The following DEDD variants were observed in gnomAD, a reference collection of about 807,000 sequenced individuals.
DEDD encodes the protein death effector domain-containing protein.
DEDD carries 3 observed loss-of-function variants against 29.2 expected under a neutral mutation model. That is an observed-to-expected ratio of 0.10 (90% CI 0.05 to 0.27). DEDD has a LOEUF of 0.27. Among genes scored for constraint, DEDD ranks in the 10% least tolerant of loss-of-function variants. The pLI is 1.00. For synonymous variants in DEDD, 152 were observed against 161.3 expected, an observed-to-expected ratio of 0.94 and a Z score of 0.44; for missense variants, 261 against 420.5, an observed-to-expected ratio of 0.62 and a Z score of 3.32.
rs1656105814 is a variant in DEDD, at chr1:161,125,810, A to G, written c.-64-1284T>C. 2.0e-5 allele frequency among the ~76,000 whole-genome samples: 3 copies of G among 152,048 alleles called. 1 individual carries two copies. The East Asian group carries it at 5.8e-4, about 29-fold the overall frequency. ...AGCCACCGTACCTGGCCTTGGCAAT[A>G]CCACCTTCTAAGCTTTCCTCATGGA... On this transcript the variant is annotated intron_variant, in intron 2 of 5. Transcript: ENST00000368006.
At position 161,124,355 on chromosome 1, in the gene DEDD, A is replaced by G; in HGVS notation, c.108T>C (p.His36=). The change falls in exon 3 of 6, where the codon CAT becomes CAC. Residue 36 remains histidine, a synonymous_variant. Coordinates refer to ENST00000368006, the MANE Select transcript of DEDD (RefSeq NM_032998.3). ...GCACGCGCACATCTCTGTGTGTCAGATGAGTGCCCACGATGTCAAACATGC... is the reference window on the plus strand; with the variant it reads ...GCACGCGCACATCTCTGTGTGTCAGGTGAGTGCCCACGATGTCAAACATGC... ...LHRMFDIVGT[H]LTHRDVRVLS... is the part of the protein sequence containing the mutation. 6.2e-7 allele frequency: 1 copy of G among 1,614,226 alleles called. No individual in the cohort carries two copies. Among genetic ancestry groups the G allele is most frequent in the Non-Finnish European group, 8.5e-7 (1 of 1,180,052 alleles).
At chr1:161,126,722 G>A (rs1181183426) in intron 2 of DEDD, among the ~76,000 whole-genome samples, 2 of 151,964 alleles carry the variant, frequency 1.3e-5, no homozygotes, top group African/African-American at 2.4e-5. Context: ...CATCACATCC[G>A]CTTTTTATTC....
In DEDD at chr1:161,123,920, G is replaced by A; in HGVS notation, c.352C>T (p.Leu118=). Residue 118 remains leucine, a synonymous_variant, in exon 4 of 6, where the codon CTG becomes TTG. Transcript: ENST00000368006. The part of the protein sequence containing the change: ...AVCPDLVDKY[L]EETSIRYVTP... ...ACATAGCGAATTGATGTCTCCTCCA[G>A]ATACTTGTCTACAAGATCAGGGCAC... The A allele has an allele frequency of 6.2e-7, 1 of 1,614,138 alleles. No homozygotes were observed. Among genetic ancestry groups the A allele is most frequent in the Non-Finnish European group, 8.5e-7 (1 of 1,180,020 alleles).
chr1:161,121,133 C>T lies in DEDD; in HGVS notation c.*1014G>A. ...GTATTGTACCAGCTGGACTAAGCTC[C>T]AGTTCTAGACCTCCTGGCTCATTCA... On this transcript the variant is annotated 3_prime_UTR_variant, in exon 6 of 6. Transcript: ENST00000368006. 9.1e-7 allele frequency: 1 copy of T among 1,095,140 alleles called. No homozygotes were observed. Among genetic ancestry groups the T allele is most frequent in the Non-Finnish European group, 1.1e-6 (1 of 894,562 alleles). 67.8% of individuals were successfully genotyped at this position (1,095,140 alleles called of 1,614,324 possible).
intron 3 of DEDD, 52 bp downstream of exon 3, chr1:161,124,086 T>C: frequency 6.3e-7 from 1 of 1,585,686 alleles, no homozygotes; most frequent in Admixed American, 1.7e-5. Flanking sequence ...ATGCTGCTCC[T>C]TCCTGGCCTC....
rs1396040768 is a variant in DEDD at position 161,121,629 on chromosome 1, A to T, written c.*518T>A. 6.4e-6 allele frequency: 1 copy of T among 155,674 alleles called. No individual in the cohort carries two copies. The highest frequency in any genetic ancestry group is 2.4e-5 in the African/African-American group (1 of 41,460). 9.6% of individuals were successfully genotyped at this position (155,674 alleles called of 1,614,324 possible). A position where few individuals can be genotyped will look rare whatever the true frequency, so the allele number is the denominator to read the frequency against. ...GGAGCAGCACCAGAGGCCAGGAGAG[A>T]GTGGAAAGGGCCACAGCTTGTTTTT... On this transcript the variant is annotated 3_prime_UTR_variant, in exon 6 of 6. Transcript: ENST00000368006.
chr1:161,121,178 T>C lies in DEDD; in HGVS notation c.*969A>G. The C allele has an allele frequency of 9.6e-7, 1 of 1,039,334 alleles. No homozygotes were observed. Among genetic ancestry groups the C allele is most frequent in the Non-Finnish European group, 1.2e-6 (1 of 861,506 alleles). 64.4% of individuals were successfully genotyped at this position (1,039,334 alleles called of 1,614,324 possible). A position where few individuals can be genotyped will look rare whatever the true frequency, so the allele number is the denominator to read the frequency against. ...CATTCAACATGCCTCCCTACCTAAA[T>C]AAAAGTGCAACACTCAGTGCATGTC... On this transcript the variant is annotated 3_prime_UTR_variant, in exon 6 of 6. Coordinates refer to ENST00000368006, the MANE Select transcript of DEDD (RefSeq NM_032998.3).
At chr1:161,129,171 A>C (rs1014573297) in intron 2 of DEDD, among the ~76,000 whole-genome samples, 2 of 152,226 alleles carry the variant, frequency 1.3e-5, no homozygotes, top group Non-Finnish European at 2.9e-5. Flanking sequence ...ACATAGAAAT[A>C]TGTAAGTTCC....
In DEDD at chr1:161,129,330, C is replaced by T. The variant is rs146594109; in HGVS notation, c.-65+1485G>A. On this transcript the variant is annotated intron_variant, in intron 2 of 5. Coordinates refer to ENST00000368006, the MANE Select transcript of DEDD (RefSeq NM_032998.3). ...TGTGATGAGGCCTCGCATGGTGGCT[C>T]ACACTTGTAATCTCAACACTTTGGG... Among the ~76,000 whole-genome samples the T allele has an allele frequency of 3.2e-3, 486 of 152,204 alleles. 5 individuals carry two copies. The highest frequency in any genetic ancestry group is 0.02 in the South Asian group (97 of 4,832).
In DEDD at chr1:161,124,305, A is replaced by G. The variant is rs373053203; in HGVS notation, c.158T>C (p.Ile53Thr). 2.5e-6 allele frequency: 4 copies of G among 1,614,158 alleles called. No homozygotes were observed. The highest frequency in any genetic ancestry group is 2.2e-5 in the East Asian group (1 of 44,902). Residue 53 changes from isoleucine to threonine, a missense_variant, in exon 3 of 6, where the codon ATT (isoleucine) becomes ACT (threonine). Transcript: ENST00000368006. ...RVLSFLFVDV[I>T]DDHERGLIRN... is the part of the protein sequence containing the mutation. ...GATGAGTCCACGCTCGTGGTCATCAATGACATCAACAAAGAGGAAAGAAAG... is the reference window on the plus strand; with the variant it reads ...GATGAGTCCACGCTCGTGGTCATCAGTGACATCAACAAAGAGGAAAGAAAG...
At position 161,122,543 on chromosome 1, in the gene DEDD, C is replaced by A; in HGVS notation, c.581-20G>T. 2 of 1,609,706 alleles carry A rather than the reference C, an allele frequency of 1.2e-6. No individual in the cohort carries two copies. The highest frequency in any genetic ancestry group is 8.5e-7 in the Non-Finnish European group (1 of 1,176,790). On this transcript the variant is annotated intron_variant, in intron 5 of 5. Transcript: ENST00000368006. This position sits in a 1 kb window ranked among gnomAD's most constrained non-coding sequence, Gnocchi z 4.2. ...TGATGTCTGTTGGAAACAGAAGATA[C>A]AGAGCAGAAGAGGTTACAGTAAGGG...
chr1:161,124,114 T>C (rs780060038), intron 3 of DEDD, 24 bp downstream of exon 3: 18 of 1,599,778 alleles, frequency 1.1e-5, no homozygotes, highest in Non-Finnish European at 1.5e-5. Flanking sequence ...TCTTCCCTGA[T>C]TCCAGCCCCT....
At chr1:161,127,867 T>C (rs1656322629) in intron 2 of DEDD, among the ~76,000 whole-genome samples, 1 of 152,194 alleles carries the variant, frequency 6.6e-6, no homozygotes, top group Non-Finnish European at 1.5e-5. Context: ...ATAAAGCAGA[T>C]TGGGTAGGTT....
chr1:161,123,784 G>C, intron 4 of DEDD, 55 bp downstream of exon 4: 3 of 1,462,562 alleles, frequency 2.1e-6, no homozygotes, highest in Non-Finnish European at 2.9e-6. Flanking sequence ...AATGTGATGG[G>C]ATCAGTGTCC....
In DEDD at chr1:161,130,834, T is replaced by C. The variant is rs1656609839; in HGVS notation, c.-84A>G. 6.6e-6 allele frequency: 1 copy of C among 152,130 alleles called. No individual in the cohort carries two copies. The highest frequency in any genetic ancestry group is 6.6e-5 in the Admixed American group (1 of 15,262). The allele number at this position is 152,130 out of a possible 1,614,324, so 9.4% of individuals were successfully genotyped here. A position where few individuals can be genotyped will look rare whatever the true frequency, so the allele number is the denominator to read the frequency against. On this transcript the variant is annotated 5_prime_UTR_variant, in exon 2 of 6. Coordinates refer to ENST00000368006, the MANE Select transcript of DEDD (RefSeq NM_032998.3). ...ACTTACCTCCGCAAGAAACTTAATT[T>C]CCCAGGTCTCTTCCTAGCACAAGTT...
chr1:161,124,580 A>C (rs1024431565), intron 2 of DEDD, 54 bp from the exon 3 acceptor site: 35 of 1,469,472 alleles, frequency 2.4e-5, no homozygotes, highest in Middle Eastern at 2.5e-4. Context: ...AACTAGTCTC[A>C]TGCATTCCCA....
At chr1:161,126,196 C>G (rs987447403) in intron 2 of DEDD, among the ~76,000 whole-genome samples, 4 of 152,112 alleles carry the variant, frequency 2.6e-5, no homozygotes, top group African/African-American at 9.7e-5. Context: ...TTTAAAAGTT[C>G]TCTGCAACAC....
chr1:161,131,198 A>G (rs1656636109), intron 1 of DEDD: 1 of 152,176 alleles, frequency 6.6e-6, no homozygotes, highest in Admixed American at 6.5e-5. Context: ...TTGTTACAAT[A>G]TTAACGTTAA....
At position 161,122,646 on chromosome 1, in the gene DEDD, C is replaced by A; in HGVS notation, c.581-123G>T. ...TAGGGAATATCACCTGACAGCTTCT[C>A]TACCTCTTCCCCAGGACTATTTCTA... On this transcript the variant is annotated intron_variant, in intron 5 of 5. Coordinates refer to ENST00000368006, the MANE Select transcript of DEDD (RefSeq NM_032998.3). The surrounding 1 kb of genome is among the most constrained non-coding windows in gnomAD (Gnocchi z 4.2). 8.1e-7 allele frequency: 1 copy of A among 1,239,950 alleles called. No individual in the cohort carries two copies. The highest frequency in any genetic ancestry group is 1.1e-6 in the Non-Finnish European group (1 of 902,754). 76.8% of individuals were successfully genotyped at this position (1,239,950 alleles called of 1,614,324 possible).
Sources: gnomAD v4.1 joint callset for allele counts (sites outside exome capture counted in the v4.1 genomes callset) on GRCh38, gnomAD v4.1.1 for gene constraint, Gnocchi (gnomAD v3.1) non-coding constraint, MANE v1.5 for transcripts, NCBI Gene and HGNC (gene_info 2026-07-23, HGNC 2026-07-21) for gene names.